Variants in MICAL2 observed in about 807,000 individuals in gnomAD.
MICAL2 encodes microtubule associated monooxygenase, calponin and LIM domain containing 2, also known as [F-actin]-monooxygenase MICAL2.
Under a neutral mutation model 127.3 loss-of-function variants are expected in MICAL2, and 77 were observed. The observed-to-expected ratio is 0.60, with a 90% CI of 0.50 to 0.73. The LOEUF is 0.73. MICAL2 is among the 30% of genes least tolerant of loss of function. The probability of loss-of-function intolerance (pLI) is 0.00; values close to 1 mark genes in which losing one functional copy is unlikely to be tolerated. For synonymous variants in MICAL2, 570 were observed against 551.1 expected (o/e 1.03, Z -0.48); for missense variants, 1,351 against 1,434.4 (o/e 0.94, Z 0.94).
intron 1 of MICAL2, among the ~76,000 whole-genome samples, chr11:12,125,896 A>G (rs1850879440): frequency 6.6e-6 from 1 of 152,210 alleles, no homozygotes; most frequent in Middle Eastern, 3.4e-3. Context: ...ATAACAGATA[A>G]TCTGGGATGC....
chr11:12,173,116 C>T (rs1298857249), intron 3 of MICAL2, among the ~76,000 whole-genome samples: 1 of 152,138 alleles, frequency 6.6e-6, no homozygotes, highest in East Asian at 1.9e-4. Context: ...TAAACCGAGT[C>T]TATTATAATT....
chr11:12,350,237 T>G (rs992393657), intron 33 of MICAL2, among the ~76,000 whole-genome samples: 12 of 152,188 alleles, frequency 7.9e-5, no homozygotes, highest in Admixed American at 7.9e-4. Flanking sequence ...TGGGTCCATC[T>G]TAAAAGAGGG....
intron 1 of MICAL2, among the ~76,000 whole-genome samples, chr11:12,128,522 A>G (rs1288488012): frequency 1.3e-5 from 2 of 152,264 alleles, no homozygotes; most frequent in Admixed American, 6.5e-5. Context: ...AGGTTCTCAT[A>G]TCAGTCTCCC....
chr11:12,296,671 G>C (rs1438798741), downstream of MICAL2, among the ~76,000 whole-genome samples: 1 of 151,730 alleles, frequency 6.6e-6, no homozygotes, highest in Non-Finnish European at 1.5e-5. Context: ...CCTTGTCCCT[G>C]AGCAATCCAG....
chr11:12,172,315 G>C (rs1057267666), intron 3 of MICAL2, among the ~76,000 whole-genome samples: 2 of 152,206 alleles, frequency 1.3e-5, no homozygotes, highest in Non-Finnish European at 2.9e-5. Flanking sequence ...CACATAACAT[G>C]TATTTGTCTC....
chr11:12,274,816 T>G (rs1423771351), upstream of MICAL2: 2 of 152,228 alleles, frequency 1.3e-5, no homozygotes, highest in Non-Finnish European at 1.5e-5. Context: ...CCTGAGTAAA[T>G]GAGGGGCCAC....
chr11:12,176,024 T>C (rs1253642221), intron 3 of MICAL2, among the ~76,000 whole-genome samples: 1 of 152,060 alleles, frequency 6.6e-6, no homozygotes, highest in East Asian at 1.9e-4. Context: ...AACTGTGAAA[T>C]CTTGGGGATG....
At chr11:12,116,466 G>C (rs546637099) in intron 1 of MICAL2, among the ~76,000 whole-genome samples, 5 of 149,438 alleles carry the variant, frequency 3.3e-5, no homozygotes, top group South Asian at 2.1e-4. Flanking sequence ...CCAGTGGCCT[G>C]TCTTGTCCTC....
At chr11:12,328,795 C>T (rs140911945) in intron 32 of MICAL2, among the ~76,000 whole-genome samples, 1 of 152,124 alleles carries the variant, frequency 6.6e-6, no homozygotes, top group Non-Finnish European at 1.5e-5. Flanking sequence ...CTTTAAGAGT[C>T]CAGTTACATG....
chr11:12,220,949 G>A (rs1856750053), intron 9 of MICAL2, among the ~76,000 whole-genome samples: 1 of 152,270 alleles, frequency 6.6e-6, no homozygotes, highest in Non-Finnish European at 1.5e-5. Context: ...TTAAATGAAT[G>A]TTTTCAGAAA....
At chr11:12,207,329 CTAAG>C (rs1237946208) in intron 4 of MICAL2, among the ~76,000 whole-genome samples, 1 of 152,210 alleles carries the variant, frequency 6.6e-6, no homozygotes, top group Non-Finnish European at 1.5e-5. Context: ...TCAATAAATA[CTAAG>C]TAAGTCAAAC....
At chr11:12,286,218 C>T (rs2134773126) in intron 2 of MICAL2, among the ~76,000 whole-genome samples, 1 of 152,330 alleles carries the variant, frequency 6.6e-6, no homozygotes, top group Non-Finnish European at 1.5e-5. Flanking sequence ...AGGGCCACAG[C>T]AATGATGGTC....
exon 34 of MICAL2, chr11:12,354,850 C>A: frequency 6.2e-7 from 1 of 1,613,684 alleles, no homozygotes; most frequent in Non-Finnish European, 8.5e-7. Flanking sequence ...AGAAAATGCT[C>A]AAGGAGGGTG....
intron 32 of MICAL2, among the ~76,000 whole-genome samples, chr11:12,329,810 A>G (rs188074662): frequency 6.6e-6 from 1 of 151,898 alleles, no homozygotes; most frequent in Non-Finnish European, 1.5e-5. Flanking sequence ...TTTAAATGAT[A>G]GAAACCAAAA....
intron 3 of MICAL2, among the ~76,000 whole-genome samples, chr11:12,167,521 G>A (rs183116804): frequency 2.3e-4 from 35 of 152,268 alleles, no homozygotes; most frequent in Admixed American, 2.1e-3. Context: ...CCTTGGCCTG[G>A]ATAAACCTGT....
intron 2 of MICAL2, among the ~76,000 whole-genome samples, chr11:12,139,135 G>A (rs1293110633): frequency 6.6e-6 from 1 of 152,134 alleles, no homozygotes; most frequent in African/African-American, 2.4e-5. Context: ...TTCTCAAGGT[G>A]ACAGGGCTCA....
At chr11:12,330,809 GAGAGAGAGAGAGGGAGAGACAGAC>G (rs1430938932) in intron 32 of MICAL2, among the ~76,000 whole-genome samples, 4 of 150,550 alleles carry the variant, frequency 2.7e-5, no homozygotes, top group Non-Finnish European at 4.4e-5. Context: ...GAGAGACAGA[GAGAGAGAGAGAGGGAGAGACAGAC>G]AGAGAGAGAG....
At chr11:12,209,251 G>A (rs1012426861) in intron 5 of MICAL2, among the ~76,000 whole-genome samples, 3 of 152,160 alleles carry the variant, frequency 2.0e-5, no homozygotes, top group African/African-American at 7.2e-5. Flanking sequence ...CCTAGCGGAG[G>A]CCAACAAAAC....
At position 12,358,333 on chromosome 11, in the gene MICAL2, G is replaced by T; in HGVS notation, c.5728G>T (p.Glu1910Ter). 6.2e-7 allele frequency: 1 copy of T among 1,614,132 alleles called. No individual in the cohort carries two copies. Among genetic ancestry groups the T allele is most frequent in the Non-Finnish European group, 8.5e-7 (1 of 1,180,018 alleles). Reference sequence around the variant, plus strand: ...TGAGAAGGATCTAAACGAAGAGCAAGAAGTATTCACCGAGCTGATGCAAGT... The same window carrying T: ...TGAGAAGGATCTAAACGAAGAGCAATAAGTATTCACCGAGCTGATGCAAGT... Residue 1910 changes from glutamate to a stop codon, truncating the protein, a stop_gained, in exon 35 of 35, where the codon GAA becomes TAA. Transcript: ENST00000646065. LOFTEE classifies it high-confidence loss of function.
Sources: gnomAD v4.1 joint callset for allele counts (sites outside exome capture counted in the v4.1 genomes callset) on GRCh38, gnomAD v4.1.1 for gene constraint, MANE v1.5 for transcripts, NCBI Gene and HGNC (gene_info 2026-07-23, HGNC 2026-07-21) for gene names.